Variants in PRKCI observed in about 807,000 individuals in gnomAD.
PRKCI encodes protein kinase C iota, also known as protein kinase C iota type.
Under a neutral mutation model 84.0 loss-of-function variants are expected in PRKCI, and 43 were observed. The observed-to-expected ratio is 0.51, with a 90% CI of 0.40 to 0.66. PRKCI has a LOEUF of 0.66. Ranked by LOEUF, PRKCI falls within the 30% of genes least tolerant of loss-of-function variation. The probability of loss-of-function intolerance (pLI) is 0.00; values close to 1 mark genes in which losing one functional copy is unlikely to be tolerated. For synonymous variants in PRKCI, 216 were observed against 234.4 expected (o/e 0.92, Z 0.72); for missense variants, 459 against 745.6 (o/e 0.62, Z 4.48).
intron 5 of PRKCI, among the ~76,000 whole-genome samples, chr3:170,269,724 A>G (rs888503757): frequency 2.0e-5 from 3 of 152,242 alleles, no homozygotes; most frequent in Admixed American, 2.0e-4. Flanking sequence ...TGGGAGGCTG[A>G]GGTGGGTGGA....
intron 8 of PRKCI, among the ~76,000 whole-genome samples, chr3:170,279,976 C>G (rs770259593): frequency 3.3e-5 from 5 of 152,018 alleles, no homozygotes; most frequent in Non-Finnish European, 7.4e-5. Flanking sequence ...TTAAGACATC[C>G]TTCGATGTTT....
At chr3:170,244,468 T>C (rs2108841143) in intron 2 of PRKCI, among the ~76,000 whole-genome samples, 1 of 152,284 alleles carries the variant, frequency 6.6e-6, no homozygotes, top group East Asian at 1.9e-4. Flanking sequence ...GCTTGGAAGC[T>C]CTGTGTCCCC....
intron 7 of PRKCI, among the ~76,000 whole-genome samples, 153 bp downstream of exon 7, chr3:170,273,493 A>G (rs977283165): frequency 1.4e-4 from 22 of 152,212 alleles, no homozygotes; most frequent in Non-Finnish European, 2.5e-4. Context: ...CAGTCACACT[A>G]TTTAACATAC....
chr3:170,288,533 G>C (rs1240002693), intron 12 of PRKCI, among the ~76,000 whole-genome samples: 3 of 152,006 alleles, frequency 2.0e-5, no homozygotes. Context: ...CGGATTACTT[G>C]AGGTCAGGAG....
rs911575424 is a variant in PRKCI, at chr3:170,305,772, C to T, written c.*2645C>T. The T allele has an allele frequency of 5.3e-5, 8 of 152,146 alleles. No homozygotes were observed. The highest frequency in any genetic ancestry group is 1.2e-4 in the African/African-American group (5 of 41,434). 9.4% of individuals were successfully genotyped at this position (152,146 alleles called of 1,614,324 possible). On this transcript the variant is annotated 3_prime_UTR_variant, in exon 18 of 18. Coordinates refer to ENST00000295797, the MANE Select transcript of PRKCI (RefSeq NM_002740.6). ...GCTTTCTAAGAAAAACTTTATTTTGCATAAGCATGTGGTCAGATCATTTTG... is the reference window on the plus strand; with the variant it reads ...GCTTTCTAAGAAAAACTTTATTTTGTATAAGCATGTGGTCAGATCATTTTG...
rs913538897 is a variant in PRKCI, at chr3:170,224,494, G to A, written c.101+1724G>A. On this transcript the variant is annotated intron_variant, in intron 1 of 17. Transcript: ENST00000295797. Reference sequence around the variant, plus strand: ...AACCCTTACCTGTAATTTGATGAATGAGATGTTTCACTTTATTCTTTTATT... The same window carrying A: ...AACCCTTACCTGTAATTTGATGAATAAGATGTTTCACTTTATTCTTTTATT... Among the ~76,000 whole-genome samples the A allele has an allele frequency of 3.6e-4, 54 of 151,406 alleles. 1 individual carries two copies. Among genetic ancestry groups the A allele is most frequent in the African/African-American group, 1.3e-3 (54 of 41,190 alleles).
intron 5 of PRKCI, among the ~76,000 whole-genome samples, chr3:170,268,616 C>G (rs1295320649): frequency 6.6e-6 from 1 of 151,652 alleles, no homozygotes; most frequent in Non-Finnish European, 1.5e-5. Flanking sequence ...TAATATTAAT[C>G]TTTATTTTTC....
intron 12 of PRKCI, among the ~76,000 whole-genome samples, chr3:170,291,198 G>T (rs1734542121): frequency 6.6e-6 from 1 of 151,814 alleles, no homozygotes; most frequent in South Asian, 2.1e-4. Flanking sequence ...TCTTATCAAT[G>T]GTTGTATTAG....
intron 4 of PRKCI, among the ~76,000 whole-genome samples, chr3:170,265,834 G>A (rs1733845986): frequency 6.6e-6 from 1 of 151,794 alleles, no homozygotes; most frequent in Non-Finnish European, 1.5e-5. Context: ...TGCTAGCCAG[G>A]ATGGTCTCAA....
intron 9 of PRKCI, 106 bp downstream of exon 9, chr3:170,280,509 T>G (rs537987847): frequency 9.1e-7 from 1 of 1,098,564 alleles, no homozygotes; most frequent in Non-Finnish European, 1.3e-6. Context: ...GTGCTAGTGG[T>G]GCAATCTTGG....
In PRKCI at chr3:170,235,280, GC is replaced by G. The variant is rs867093541; in HGVS notation, c.153del (p.Cys51Ter). On this transcript the variant is annotated frameshift_variant, in exon 2 of 18. Transcript: ENST00000295797. LOFTEE classifies it high-confidence loss of function. ...FEPSISFEGL[C>X]NEVRDMCSFD... ...CCTTCCATCTCCTTTGAGGGCCTTT[GC>G]AATGAGGTTCGAGACATGTGTTCTT... 3.1e-6 allele frequency: 5 copies of G among 1,613,990 alleles called. No homozygotes were observed.
intron 17 of PRKCI, among the ~76,000 whole-genome samples, chr3:170,300,427 A>G (rs1476388015): frequency 6.6e-6 from 1 of 151,668 alleles, no homozygotes; most frequent in African/African-American, 2.4e-5. Flanking sequence ...CCAAGATTTC[A>G]TTTTGTCAGT....
At chr3:170,235,605 G>A (rs1014884837) in intron 2 of PRKCI, among the ~76,000 whole-genome samples, 13 of 141,738 alleles carry the variant, frequency 9.2e-5, no homozygotes, top group East Asian at 4.2e-4. Context: ...TCGCTCTATC[G>A]CCCAGGCTAG....
At chr3:170,261,107 C>T (rs1216790758) in intron 3 of PRKCI, among the ~76,000 whole-genome samples, 3 of 151,514 alleles carry the variant, frequency 2.0e-5, no homozygotes, top group Admixed American at 6.6e-5. Context: ...CAGGCACTGC[C>T]GCACCACTAT....
chr3:170,252,672 C>G (rs770602156), intron 2 of PRKCI, among the ~76,000 whole-genome samples: 4 of 151,438 alleles, frequency 2.6e-5, no homozygotes, highest in Non-Finnish European at 5.9e-5. Context: ...GATCACAGCT[C>G]ACTGCAGCCT....
At chr3:170,247,176 C>G (rs1451282565) in intron 2 of PRKCI, among the ~76,000 whole-genome samples, 2 of 151,788 alleles carry the variant, frequency 1.3e-5, no homozygotes, top group Non-Finnish European at 2.9e-5. Context: ...GTCCTCCCAC[C>G]TCAGCCTCCC....
At chr3:170,284,945 T>C (rs1332163127) in intron 12 of PRKCI, among the ~76,000 whole-genome samples, 3 of 152,216 alleles carry the variant, frequency 2.0e-5, no homozygotes, top group African/African-American at 7.2e-5. Context: ...CATTTAGTAG[T>C]GAATCTTATA....
intron 12 of PRKCI, among the ~76,000 whole-genome samples, chr3:170,285,743 A>C (rs898247895): frequency 1.9e-4 from 28 of 149,616 alleles, no homozygotes; most frequent in African/African-American, 6.8e-4. Flanking sequence ...TTAATTAATT[A>C]TTGTTGTTTT....
Position 170,222,717 on chromosome 3 carries a change from C to T in PRKCI, c.48C>T (p.Gly16=), listed in dbSNP as rs771014198. The T allele has an allele frequency of 5.0e-6, 8 of 1,607,662 alleles. No individual in the cohort carries two copies. In the Admixed American group the frequency reaches 8.4e-5, roughly 17 times the overall value. The change falls in exon 1 of 18, where the codon GGC becomes GGT. Residue 16 remains glycine (G), a synonymous_variant. Transcript: ENST00000295797. ...DSSTMSHTVA[G]GGSGDHSHQV... is the part of the protein sequence containing the mutation. ...GCACCATGTCCCACACGGTCGCAGGCGGCGGCAGCGGGGACCATTCCCACC... is the reference window on the plus strand; with the variant it reads ...GCACCATGTCCCACACGGTCGCAGGTGGCGGCAGCGGGGACCATTCCCACC...
Sources: allele counts gnomAD v4.1 joint callset (sites outside exome capture counted in the v4.1 genomes callset), GRCh38; gene constraint gnomAD v4.1.1; transcripts MANE v1.5; gene names NCBI Gene and HGNC (gene_info 2026-07-23, HGNC 2026-07-21).